Variants in KIFAP3 observed in about 807,000 individuals in gnomAD.
KIFAP3 encodes kinesin associated protein 3, also known as kinesin-associated protein 3.
In KIFAP3, 68 loss-of-function variants were observed where a neutral mutation model predicts 106.5. That is an observed-to-expected ratio of 0.64 (90% CI 0.53 to 0.78). The LOEUF (loss-of-function observed/expected upper bound fraction) is 0.78. Among genes scored for constraint, KIFAP3 ranks in the 30% least tolerant of loss-of-function variants. The probability of loss-of-function intolerance (pLI) is 0.00; values close to 1 mark genes in which losing one functional copy is unlikely to be tolerated. For missense variants in KIFAP3, 780 were observed against 941.8 expected (o/e 0.83, Z 2.25); for synonymous variants, 320 against 311.5 (o/e 1.03, Z -0.29).
chr1:170,011,663 G>A (rs2101988785), intron 10 of KIFAP3, among the ~76,000 whole-genome samples: 1 of 151,916 alleles, frequency 6.6e-6, no homozygotes, highest in South Asian at 2.1e-4. Flanking sequence ...TACGGATTGA[G>A]GTAAAACAAG....
At chr1:170,047,974 G>C (rs1449528116) in intron 2 of KIFAP3, among the ~76,000 whole-genome samples, 1 of 152,224 alleles carries the variant, frequency 6.6e-6, no homozygotes, top group Non-Finnish European at 1.5e-5. Flanking sequence ...AGCAGCCACT[G>C]TGTAGAATTA....
upstream of KIFAP3, among the ~76,000 whole-genome samples, chr1:170,078,926 A>G (rs529806934): frequency 1.3e-5 from 2 of 152,364 alleles, no homozygotes; most frequent in South Asian, 4.1e-4. Flanking sequence ...TCAAACCAGC[A>G]TACATAAAAA....
intron 1 of KIFAP3, chr1:170,068,376 T>C (rs1671548579): frequency 6.6e-6 from 1 of 151,884 alleles, no homozygotes; most frequent in Non-Finnish European, 1.5e-5. Flanking sequence ...AAATATATTA[T>C]CATAAGGATC....
In KIFAP3 at chr1:169,993,105, CCTT is replaced by C. The variant is rs1363443992; in HGVS notation, c.1184-853_1184-851del. On this transcript the variant is annotated intron_variant, in intron 10 of 19. Coordinates refer to ENST00000361580, the MANE Select transcript of KIFAP3 (RefSeq NM_014970.4). ...AATAAACTGGTATTTTCTTTTCTGT[CCTT>C]TTTTTTTTTTTTTTTCAGAGACAGA... Among the ~76,000 whole-genome samples, 3 of 140,276 alleles carry C rather than the reference CCTT, an allele frequency of 2.1e-5. No homozygotes were observed. In the East Asian group the frequency reaches 6.1e-4, roughly 29 times the overall value. 92.0% of individuals were successfully genotyped at this position (140,276 alleles called of 152,430 possible). A position where few individuals can be genotyped will look rare whatever the true frequency, so the allele number is the denominator to read the frequency against.
At chr1:170,035,676 G>A (rs1446810204) in intron 5 of KIFAP3, 123 bp from the exon 6 acceptor site, 3 of 548,954 alleles carry the variant, frequency 5.5e-6, no homozygotes, top group South Asian at 3.2e-5. Context: ...ACAAAAAGTA[G>A]GATGCTTCTT....
chr1:170,016,314 T>C, intron 10 of KIFAP3, 148 bp downstream of exon 10: 1 of 610,126 alleles, frequency 1.6e-6, no homozygotes, highest in East Asian at 3.3e-5. Context: ...CATTTTTTAC[T>C]TACTCTGCTT....
intron 10 of KIFAP3, among the ~76,000 whole-genome samples, chr1:170,000,005 G>A (rs1667577297): frequency 6.6e-6 from 1 of 152,012 alleles, no homozygotes; most frequent in African/African-American, 2.4e-5. Context: ...CCAATTAAAG[G>A]GCAAAACACA....
intron 2 of KIFAP3, among the ~76,000 whole-genome samples, chr1:170,053,438 A>G (rs1670678141): frequency 6.6e-6 from 1 of 152,198 alleles, no homozygotes; most frequent in African/African-American, 2.4e-5. Context: ...TGCTATTCCC[A>G]TCAAGCTAGC....
intron 10 of KIFAP3, among the ~76,000 whole-genome samples, chr1:170,001,581 T>G (rs1337046263): frequency 6.6e-6 from 1 of 152,168 alleles, no homozygotes; most frequent in African/African-American, 2.4e-5. Context: ...AAATGTAGGT[T>G]TATTTATAGG....
chr1:169,962,172 T>C lies in KIFAP3; in HGVS notation c.1984-937A>G, dbSNP rs16862864. Among the ~76,000 whole-genome samples the C allele has an allele frequency of 7.1e-3, 1,087 of 152,326 alleles. 19 individuals are homozygous for C. Among genetic ancestry groups the C allele is most frequent in the African/African-American group, 0.024 (995 of 41,578 alleles). Reference sequence around the variant, plus strand: ...TTTAATTTTTGTTCCAACCACAAATTAATGATCTTATCTTATTTAGTTGTA... The same window carrying C: ...TTTAATTTTTGTTCCAACCACAAATCAATGATCTTATCTTATTTAGTTGTA... On this transcript the variant is annotated intron_variant, in intron 17 of 19. Coordinates refer to ENST00000361580, the MANE Select transcript of KIFAP3 (RefSeq NM_014970.4).
intron 10 of KIFAP3, among the ~76,000 whole-genome samples, chr1:170,008,600 C>A (rs1668090295): frequency 6.6e-6 from 1 of 152,096 alleles, no homozygotes; most frequent in Non-Finnish European, 1.5e-5. Flanking sequence ...GAATGATGAT[C>A]ATTAAAAAGT....
At chr1:170,064,450 C>T (rs114124705) in intron 1 of KIFAP3, among the ~76,000 whole-genome samples, 9,648 of 152,252 alleles carry the variant, frequency 0.063, 389 homozygotes, top group Non-Finnish European at 0.095. Context: ...GCCTCCCAGG[C>T]TCAGGCAATC....
At chr1:170,077,482 A>G (rs1571782071), upstream of KIFAP3, among the ~76,000 whole-genome samples, 1 of 152,242 alleles carries the variant, frequency 6.6e-6, no homozygotes, top group African/African-American at 2.4e-5. Context: ...AGAACTTTAC[A>G]TATGACATGG....
intron 19 of KIFAP3, among the ~76,000 whole-genome samples, chr1:169,952,744 A>G (rs527399101): frequency 6.6e-6 from 1 of 152,142 alleles, no homozygotes; most frequent in Admixed American, 6.5e-5. Flanking sequence ...AGTAAAACAT[A>G]TAATAATACT....
chr1:170,016,456 G>C lies in KIFAP3; in HGVS notation c.1183+6C>G, dbSNP rs1668522929. On this transcript the variant is annotated splice_donor_region_variant and intron_variant, in intron 10 of 19. Transcript: ENST00000361580. ...CAACACTGTCATTAATTTCTAAAAA[G>C]CATACCTAGGAGTGCAGTGAGCTTG... 1 of 1,586,962 alleles carries C rather than the reference G, an allele frequency of 6.3e-7. No individual in the cohort carries two copies. The highest frequency in any genetic ancestry group is 1.4e-5 in the African/African-American group (1 of 73,122).
At chr1:169,982,507 A>C (rs1304123749) in intron 14 of KIFAP3, among the ~76,000 whole-genome samples, 195 bp downstream of exon 14, 1 of 152,146 alleles carries the variant, frequency 6.6e-6, no homozygotes, top group Non-Finnish European at 1.5e-5. Context: ...TAACATAAGA[A>C]AACACACTTT....
upstream of KIFAP3, among the ~76,000 whole-genome samples, chr1:170,075,389 C>T (rs1208018629): frequency 6.6e-6 from 1 of 152,150 alleles, no homozygotes; most frequent in African/African-American, 2.4e-5. Flanking sequence ...TGGCTGTGTG[C>T]CAAACACCAA....
chr1:169,942,065 G>A (rs1664153801), intron 19 of KIFAP3, among the ~76,000 whole-genome samples: 1 of 151,926 alleles, frequency 6.6e-6, no homozygotes, highest in Non-Finnish European at 1.5e-5. Context: ...TCTAAGAAGA[G>A]CTCTTATAAA....
chr1:170,009,525 G>A (rs537322692), intron 10 of KIFAP3, among the ~76,000 whole-genome samples: 132 of 152,134 alleles, frequency 8.7e-4, no homozygotes, highest in African/African-American at 3.0e-3. Flanking sequence ...TTTCAATTGC[G>A]TATTTTATGC....
Sources: allele counts gnomAD v4.1 joint callset (sites outside exome capture counted in the v4.1 genomes callset), GRCh38; gene constraint gnomAD v4.1.1; transcripts MANE v1.5; gene names NCBI Gene and HGNC (gene_info 2026-07-23, HGNC 2026-07-21).